Variants in TENM2 observed in about 807,000 individuals in gnomAD.
The protein encoded by TENM2 is teneurin-2.
TENM2 carries 52 observed loss-of-function variants against 245.2 expected under a neutral mutation model. The observed-to-expected ratio is 0.21, with a 90% confidence interval of 0.17 to 0.27. The LOEUF (loss-of-function observed/expected upper bound fraction) is 0.27. TENM2 is among the 10% of genes least tolerant of loss of function. The pLI, the probability that TENM2 is intolerant of heterozygous loss-of-function variation, is 1.00. For synonymous variants in TENM2, 1,363 were observed against 1,438.9 expected, an observed-to-expected ratio of 0.95 and a Z score of 1.19; for missense variants, 3,046 against 3,666.8, an observed-to-expected ratio of 0.83 and a Z score of 4.37.
intron 2 of TENM2, among the ~76,000 whole-genome samples, chr5:167,423,166 A>T (rs1236574493): frequency 6.6e-6 from 1 of 151,654 alleles, no homozygotes; most frequent in African/African-American, 2.4e-5. Context: ...TCTTTTTATG[A>T]TTTAGAGGTG....
At chr5:167,767,441 G>T (rs1345895971) in intron 2 of TENM2, among the ~76,000 whole-genome samples, 1 of 152,188 alleles carries the variant, frequency 6.6e-6, no homozygotes, top group Non-Finnish European at 1.5e-5. Context: ...TGGAGTTTTG[G>T]TTTGAAAAGA....
intron 12 of TENM2, among the ~76,000 whole-genome samples, chr5:168,131,489 C>T (rs547921852): frequency 1.9e-4 from 29 of 152,178 alleles, no homozygotes; most frequent in African/African-American, 5.1e-4. Flanking sequence ...GGAAAGAAAT[C>T]GGTGCTTGTG....
chr5:167,233,772 C>G, the TENM2 span, among the ~76,000 whole-genome samples: 3 of 152,100 alleles, frequency 2.0e-5, no homozygotes, highest in East Asian at 1.9e-4. Context: ...AGACTGAAAT[C>G]TAGAATCAGT....
At chr5:168,081,156 T>C (rs1791963237) in intron 7 of TENM2, among the ~76,000 whole-genome samples, 1 of 152,250 alleles carries the variant, frequency 6.6e-6, no homozygotes, top group Non-Finnish European at 1.5e-5. Flanking sequence ...TAGCTCTTCT[T>C]GTTGAATTGA....
Position 167,350,931 on chromosome 5 carries a change from TATATATATGGGA to T in TENM2, c.227-24266_227-24255del, listed in dbSNP as rs1758851241. ...TATATATGGGATATATACATATGGA[TATATATATGGGA>T]TATATACATATGGATATATATATGG... On this transcript the variant is annotated intron_variant, in intron 1 of 28. Transcript: ENST00000518659. 6.2e-5 allele frequency among the ~76,000 whole-genome samples: 5 copies of T among 80,022 alleles called. 2 individuals carry two copies. The highest frequency in any genetic ancestry group is 7.7e-4 in the East Asian group (2 of 2,588). 52.5% of individuals were successfully genotyped at this position (80,022 alleles called of 152,430 possible).
Position 167,389,249 on chromosome 5 carries a change from AATATAT to A in TENM2, c.502+13793_502+13798del, listed in dbSNP as rs61126047. ...GTGCGTATATATATAGTGCATTTAA[AATATAT>A]ATATATATATATATATCCATGCATA... is the stretch of plus-strand genomic sequence containing the variant. On this transcript the variant is annotated intron_variant, in intron 2 of 28. Coordinates refer to ENST00000518659, the Ensembl canonical transcript of TENM2. 1.6e-3 allele frequency among the ~76,000 whole-genome samples: 236 copies of A among 146,880 alleles called. 1 individual carries two copies. Among genetic ancestry groups the A allele is most frequent in the Non-Finnish European group, 2.1e-3 (139 of 66,472 alleles).
chr5:167,496,030 A>G (rs1346937354), intron 2 of TENM2, among the ~76,000 whole-genome samples: 1 of 152,080 alleles, frequency 6.6e-6, no homozygotes, highest in East Asian at 1.9e-4. Flanking sequence ...GTGCAAGCAA[A>G]GGAAAGGCAG....
chr5:168,054,845 G>C (rs1295532017), intron 6 of TENM2, among the ~76,000 whole-genome samples: 2 of 152,200 alleles, frequency 1.3e-5, no homozygotes, highest in Non-Finnish European at 2.9e-5. Flanking sequence ...TTGATCATTA[G>C]AATGTTGCCT....
intron 2 of TENM2, among the ~76,000 whole-genome samples, chr5:167,545,488 A>G (rs1046959132): frequency 6.6e-6 from 1 of 152,180 alleles, no homozygotes; most frequent in African/African-American, 2.4e-5. Context: ...TGCTAGATAA[A>G]CATGTTTTTT....
chr5:167,977,891 G>A (rs966876550), intron 4 of TENM2, among the ~76,000 whole-genome samples: 3 of 152,158 alleles, frequency 2.0e-5, no homozygotes, highest in South Asian at 2.1e-4. Flanking sequence ...TGTTGGAGGC[G>A]GGCCCTGGTG....
chr5:167,095,704 T>C, the TENM2 span, among the ~76,000 whole-genome samples: 1 of 151,654 alleles, frequency 6.6e-6, no homozygotes, highest in South Asian at 2.1e-4. Flanking sequence ...TTGACATTTG[T>C]ATATACCTAG....
chr5:167,657,732 T>G (rs774029923), intron 2 of TENM2, among the ~76,000 whole-genome samples: 1 of 152,224 alleles, frequency 6.6e-6, no homozygotes, highest in Non-Finnish European at 1.5e-5. Flanking sequence ...TGAGTAAACA[T>G]AGGCTATACT....
intron 7 of TENM2, among the ~76,000 whole-genome samples, chr5:168,062,574 A>G (rs1323249626): frequency 6.6e-6 from 1 of 152,194 alleles, no homozygotes; most frequent in Non-Finnish European, 1.5e-5. Context: ...ACAAAAACGT[A>G]TGTATCAGTG....
chr5:167,404,507 T>G (rs1023444864), intron 2 of TENM2, among the ~76,000 whole-genome samples: 6 of 152,070 alleles, frequency 3.9e-5, no homozygotes, highest in African/African-American at 1.4e-4. Flanking sequence ...TGGGGAGAGA[T>G]AAACCTTTGA....
At chr5:167,299,331 T>C (rs112154996) in intron 1 of TENM2, among the ~76,000 whole-genome samples, 25,242 of 152,116 alleles carry the variant, frequency 0.17, 2,699 homozygotes, top group African/African-American at 0.31. Flanking sequence ...TGCAGTGGCC[T>C]TCTCAGACCC....
At chr5:167,254,275 C>A in the TENM2 span, among the ~76,000 whole-genome samples, 1 of 152,112 alleles carries the variant, frequency 6.6e-6, no homozygotes, top group African/African-American at 2.4e-5. Context: ...CCTTTCCCAC[C>A]TAGGGGTTGC....
chr5:168,165,554 A>AACCAAAATC (rs1244680305), intron 13 of TENM2, among the ~76,000 whole-genome samples: 1 of 146,828 alleles, frequency 6.8e-6, no homozygotes, highest in African/African-American at 2.5e-5. Context: ...ACCCGGCCAA[A>AACCAAAATC]ACCAAAATCC....
At chr5:167,781,856 A>C (rs565076266) in intron 2 of TENM2, among the ~76,000 whole-genome samples, 1 of 151,530 alleles carries the variant, frequency 6.6e-6, no homozygotes, top group African/African-American at 2.4e-5. Flanking sequence ...GTCCCTACCA[A>C]ACATACAAAA....
the TENM2 span, among the ~76,000 whole-genome samples, chr5:167,041,159 G>C: frequency 6.6e-6 from 1 of 152,236 alleles, no homozygotes; most frequent in Non-Finnish European, 1.5e-5. Flanking sequence ...GTGACATACA[G>C]TGTTTACTGA....
Sources: gnomAD v4.1 joint callset for allele counts (sites outside exome capture counted in the v4.1 genomes callset) on GRCh38, gnomAD v4.1.1 for gene constraint, MANE v1.5 for transcripts, NCBI Gene and HGNC (gene_info 2026-07-23, HGNC 2026-07-21) for gene names.